CENPC: variants seen among roughly 807,000 people sequenced by gnomAD.
The protein encoded by CENPC is centromere protein C.
In CENPC, 63 loss-of-function variants were observed where a neutral mutation model predicts 112.1. The observed-to-expected ratio is 0.56, with a 90% CI of 0.46 to 0.69. CENPC has a LOEUF of 0.69. Among genes scored for constraint, CENPC ranks in the 30% least tolerant of loss-of-function variants. The probability of loss-of-function intolerance (pLI) is 0.00; values close to 1 mark genes in which losing one functional copy is unlikely to be tolerated. For missense variants in CENPC, 1,000 were observed against 1,103.8 expected (o/e 0.91, Z 1.33); for synonymous variants, 333 against 367.6 (o/e 0.91, Z 1.08).
intron 5 of CENPC, among the ~76,000 whole-genome samples, chr4:67,528,117 T>C (rs1404392925): frequency 6.6e-6 from 1 of 152,160 alleles, no homozygotes; most frequent in East Asian, 1.9e-4. Context: ...TTTAAAGGTC[T>C]AGAATTAATT....
rs62303190 is a variant in CENPC at position 67,472,257 on chromosome 4, T to A, written c.*348A>T. On this transcript the variant is annotated 3_prime_UTR_variant, in exon 19 of 19. Transcript: ENST00000273853. ...TCTCTCCCATTGGATTATTTAATAA[T>A]AAATGATTTAAAATTAGTATTTGGA... The A allele has an allele frequency of 0.24, 37,472 of 157,580 alleles. 4,805 individuals are homozygous for A. The highest frequency in any genetic ancestry group is 0.29 in the Non-Finnish European group (20,905 of 71,732). 9.8% of individuals were successfully genotyped at this position (157,580 alleles called of 1,614,324 possible). A position where few individuals can be genotyped will look rare whatever the true frequency, so the allele number is the denominator to read the frequency against.
intron 17 of CENPC, among the ~76,000 whole-genome samples, chr4:67,476,135 G>A (rs761366704): frequency 1.3e-4 from 20 of 152,150 alleles, no homozygotes; most frequent in Non-Finnish European, 2.1e-4. Flanking sequence ...GCACATACAG[G>A]AAAAAGTGGA....
At chr4:67,529,450 C>A (rs1003570549) in intron 5 of CENPC, among the ~76,000 whole-genome samples, 2 of 151,978 alleles carry the variant, frequency 1.3e-5, no homozygotes, top group Non-Finnish European at 2.9e-5. Context: ...CTCAGCCTCC[C>A]GAGTACCTGG....
At chr4:67,524,974 C>A (rs1465142951) in intron 5 of CENPC, among the ~76,000 whole-genome samples, 1 of 152,144 alleles carries the variant, frequency 6.6e-6, no homozygotes, top group African/African-American at 2.4e-5. Flanking sequence ...GGTACCAAAA[C>A]AGATATATAG....
At position 67,524,968 on chromosome 4, in the gene CENPC, C is replaced by T. The variant is rs568566142; in HGVS notation, c.332-5466G>A. On this transcript the variant is annotated intron_variant, in intron 5 of 18. Transcript: ENST00000273853. Reference sequence around the variant, plus strand: ...TAACCAAAACAGCTTGGTACTGGTACCAAAACAGATATATAGACCAATGGA... The same window carrying T: ...TAACCAAAACAGCTTGGTACTGGTATCAAAACAGATATATAGACCAATGGA... 5.2e-4 allele frequency among the ~76,000 whole-genome samples: 79 copies of T among 152,160 alleles called. 1 individual carries two copies. The highest frequency in any genetic ancestry group is 1.9e-3 in the African/African-American group (78 of 41,504).
At chr4:67,535,238 G>A (rs894976292) in intron 4 of CENPC, among the ~76,000 whole-genome samples, 9 of 151,864 alleles carry the variant, frequency 5.9e-5, no homozygotes, top group Admixed American at 5.9e-4. Flanking sequence ...TAAAACCATG[G>A]TATTTTTAAA....
chr4:67,492,262 C>G lies in CENPC; in HGVS notation c.2433G>C (p.Met811Ile), dbSNP rs753637021. Reference protein sequence around the residue: ...LDNDERKTNLMVNLGIPLGDP... With the variant: ...LDNDERKTNLIVNLGIPLGDP... ...CTCCAAGAGGTATACCTAGATTTAC[C>G]ATTAAGTTAGTCTCTGCAAAAGAAA... The change falls in exon 16 of 19, where the codon ATG becomes ATC. Residue 811 changes from methionine to isoleucine, a missense_variant. Coordinates refer to ENST00000273853, the MANE Select transcript of CENPC (RefSeq NM_001812.4). 8.3e-6 allele frequency: 13 copies of G among 1,557,424 alleles called. No individual in the cohort carries two copies. The highest frequency in any genetic ancestry group is 8.3e-5 in the South Asian group (7 of 84,332).
In CENPC at chr4:67,545,473, C is replaced by A. The variant is rs1373008170; in HGVS notation, c.-118G>T. 5 of 1,074,506 alleles carry A rather than the reference C, an allele frequency of 4.7e-6. No individual in the cohort carries two copies. Among genetic ancestry groups the A allele is most frequent in the Middle Eastern group, 3.2e-4 (1 of 3,138 alleles). 66.6% of individuals were successfully genotyped at this position (1,074,506 alleles called of 1,614,324 possible). A position where few individuals can be genotyped will look rare whatever the true frequency, so the allele number is the denominator to read the frequency against. The stretch of plus-strand genomic sequence containing the variant: ...ATACCAGGCCGCGGCCAAGCAATAA[C>A]CTTAAGTCTCAGGCGACTGCCGCGA... On this transcript the variant is annotated 5_prime_UTR_variant, in exon 1 of 19. Coordinates refer to ENST00000273853, the MANE Select transcript of CENPC (RefSeq NM_001812.4).
intron 17 of CENPC, among the ~76,000 whole-genome samples, chr4:67,480,174 C>T (rs1048291965): frequency 2.0e-5 from 3 of 152,022 alleles, no homozygotes; most frequent in African/African-American, 4.8e-5. Flanking sequence ...ACAAAATTAG[C>T]CAGAATTGGT....
At position 67,492,961 on chromosome 4, in the gene CENPC, G is replaced by C; in HGVS notation, c.2327C>G (p.Thr776Arg). Residue 776 changes from threonine to arginine, a missense_variant, in exon 15 of 19, where the codon ACA becomes AGA. Coordinates refer to ENST00000273853, the MANE Select transcript of CENPC (RefSeq NM_001812.4). ...FVISGVLSPDTISSKRKAKEN... is the reference protein window; with the variant it reads ...FVISGVLSPDRISSKRKAKEN... ...TTTTGCCTTCCTTTTAGACGATATTGTGTCTGGAGATAGTACTCCACTAAT... is the reference window on the plus strand; with the variant it reads ...TTTTGCCTTCCTTTTAGACGATATTCTGTCTGGAGATAGTACTCCACTAAT... The C allele has an allele frequency of 6.5e-7, 1 of 1,548,828 alleles. No homozygotes were observed. Among genetic ancestry groups the C allele is most frequent in the Non-Finnish European group, 8.7e-7 (1 of 1,146,930 alleles).
At chr4:67,539,583 T>G (rs1456023726) in intron 4 of CENPC, among the ~76,000 whole-genome samples, 1 of 152,188 alleles carries the variant, frequency 6.6e-6, no homozygotes, top group Non-Finnish European at 1.5e-5. Context: ...AAAAACCTAA[T>G]TTGAGTATTA....
At chr4:67,476,655 T>C (rs1349306536) in intron 17 of CENPC, among the ~76,000 whole-genome samples, 1 of 152,078 alleles carries the variant, frequency 6.6e-6, no homozygotes, top group Non-Finnish European at 1.5e-5. Flanking sequence ...GAAGCGTGAA[T>C]TTTCCTGGGC....
At chr4:67,544,338 GACATA>G in intron 1 of CENPC, 143 bp from the exon 2 acceptor site, 1 of 599,218 alleles carries the variant, frequency 1.7e-6, no homozygotes, top group Non-Finnish European at 3.0e-6. Context: ...GTTATGTTAT[GACATA>G]ACATAGGTTA....
At position 67,543,623 on chromosome 4, in the gene CENPC, T is replaced by TG. The variant is rs367699899; in HGVS notation, c.65+525dup. ...AAAAGAACATACTTCTGTGCCCCAT[T>TG]GGACCTACTAAAATCACAGCTCAAT... On this transcript the variant is annotated intron_variant, in intron 2 of 18. Coordinates refer to ENST00000273853, the MANE Select transcript of CENPC (RefSeq NM_001812.4). Among the ~76,000 whole-genome samples, 14 of 152,312 alleles carry TG rather than the reference T, an allele frequency of 9.2e-5. 1 individual carries two copies. The highest frequency in any genetic ancestry group is 3.1e-4 in the African/African-American group (13 of 41,568).
chr4:67,536,566 ATAAGTCT>A (rs1480432333), intron 4 of CENPC, among the ~76,000 whole-genome samples: 9 of 152,140 alleles, frequency 5.9e-5, no homozygotes, highest in Non-Finnish European at 1.2e-4. Flanking sequence ...TATAAGATAG[ATAAGTCT>A]TAAGTCTGAT....
At chr4:67,498,859 G>C (rs565268766) in intron 12 of CENPC, among the ~76,000 whole-genome samples, 1 of 152,170 alleles carries the variant, frequency 6.6e-6, no homozygotes, top group African/African-American at 2.4e-5. Context: ...ATCTAGAATG[G>C]TGAATCCTTT....
intron 11 of CENPC, among the ~76,000 whole-genome samples, chr4:67,506,569 A>T (rs1725738332): frequency 6.6e-6 from 1 of 152,160 alleles, no homozygotes; most frequent in South Asian, 2.1e-4. Context: ...TCCAGACAAG[A>T]CTTTAAAGGG....
At position 67,514,424 on chromosome 4, in the gene CENPC, T is replaced by C. The variant is rs1478437105; in HGVS notation, c.1094A>G (p.His365Arg). The change falls in exon 8 of 19, where the codon CAT becomes CGT. Residue 365 changes from histidine (H) to arginine (R), a missense_variant. By Grantham distance (29) the His-to-Arg change is conservative. Transcript: ENST00000273853. The part of the protein sequence containing the change: ...PKTLANDKHS[H>R]KPHPVETSQP... ...AGATGTCTCTACTGGGTGAGGTTTA[T>C]GGGAATGTTTGTCATTTGCCAAAGT... 3.1e-6 allele frequency: 5 copies of C among 1,613,518 alleles called. No homozygotes were observed. Among genetic ancestry groups the C allele is most frequent in the African/African-American group, 1.3e-5 (1 of 74,924 alleles).
Position 67,490,857 on chromosome 4 carries a change from T to G in CENPC, c.2516-736A>C, listed in dbSNP as rs1403529097. Among the ~76,000 whole-genome samples the G allele has an allele frequency of 6.5e-3, 129 of 19,786 alleles. 2 individuals are homozygous for G. Among genetic ancestry groups the G allele is most frequent in the African/African-American group, 0.013 (124 of 9,336 alleles). The allele number at this position is 19,786 out of a possible 152,430, so 13.0% of individuals were successfully genotyped here. On this transcript the variant is annotated intron_variant, in intron 16 of 18. Transcript: ENST00000273853. ...AAATAAATATATATATATATATATA[T>G]ATATATATATATATATATATAGAAA...
Sources: gnomAD v4.1 joint callset for allele counts (sites outside exome capture counted in the v4.1 genomes callset) on GRCh38, gnomAD v4.1.1 for gene constraint, MANE v1.5 for transcripts, NCBI Gene and HGNC (gene_info 2026-07-23, HGNC 2026-07-21) for gene names.